The following ARHGAP24 variants were observed in gnomAD, a reference collection of about 807,000 sequenced individuals.
ARHGAP24 encodes Rho GTPase activating protein 24.
Under a neutral mutation model 76.4 loss-of-function variants are expected in ARHGAP24, and 50 were observed. The ratio of observed to expected loss-of-function variants is 0.65; its 90% CI spans 0.52 to 0.83. The LOEUF is 0.83. ARHGAP24 is among the 40% of genes least tolerant of loss of function. The probability of loss-of-function intolerance (pLI) is 0.00; values close to 1 mark genes in which losing one functional copy is unlikely to be tolerated. For synonymous variants in ARHGAP24, 345 were observed against 323.3 expected (o/e 1.07, Z -0.72); for missense variants, 930 against 914.2 (o/e 1.02, Z -0.22).
chr4:85,750,450 T>TAGAG (rs1341098769), intron 3 of ARHGAP24, among the ~76,000 whole-genome samples: 2 of 150,054 alleles, frequency 1.3e-5, no homozygotes, highest in African/African-American at 4.9e-5. Context: ...ACCCTTTTTC[T>TAGAG]AGAGCCCAGG....
At chr4:85,657,027 A>C (rs12648939) in intron 2 of ARHGAP24, among the ~76,000 whole-genome samples, 41,530 of 152,116 alleles carry the variant, frequency 0.27, 7,572 homozygotes, top group East Asian at 0.84. Context: ...TAAATTATAA[A>C]AATGTAACAT....
At chr4:85,487,929 A>G (rs942327803) in intron 1 of ARHGAP24, among the ~76,000 whole-genome samples, 1 of 141,918 alleles carries the variant, frequency 7.0e-6, no homozygotes, top group Admixed American at 7.7e-5. Context: ...ATTTAGAGAC[A>G]GAATCTTGCT....
chr4:85,987,864 A>T (rs1233281901), intron 8 of ARHGAP24, among the ~76,000 whole-genome samples: 1 of 151,980 alleles, frequency 6.6e-6, no homozygotes, highest in Non-Finnish European at 1.5e-5. Context: ...AGGGAGCCAC[A>T]CAAAAGCACA....
chr4:85,906,335 T>A (rs1734768196), intron 3 of ARHGAP24, among the ~76,000 whole-genome samples: 1 of 152,104 alleles, frequency 6.6e-6, no homozygotes, highest in Non-Finnish European at 1.5e-5. Flanking sequence ...TGGTGGAAAC[T>A]GGGTTGAGAA....
intron 3 of ARHGAP24, among the ~76,000 whole-genome samples, chr4:85,896,884 G>A (rs2148786151): frequency 6.6e-6 from 1 of 152,212 alleles, no homozygotes; most frequent in South Asian, 2.1e-4. Context: ...TCCCATAGTA[G>A]AGCACATATT....
intron 2 of ARHGAP24, among the ~76,000 whole-genome samples, chr4:85,635,265 T>C (rs1460658629): frequency 6.8e-6 from 1 of 148,130 alleles, no homozygotes; most frequent in East Asian, 2.0e-4. Flanking sequence ...GTACCTGCCA[T>C]AGTTACCCAC....
At position 86,000,943 on chromosome 4, in the gene ARHGAP24, ATAGAG is replaced by A. The variant is rs1223724708; in HGVS notation, c.*225_*229del. ...AAGTGTTACAACTGGATATGTGTAT[ATAGAG>A]TAGTTTTTCAAAAGTAAACTAAAAA... is the stretch of plus-strand genomic sequence containing the variant. On this transcript the variant is annotated 3_prime_UTR_variant, in exon 10 of 10. Coordinates refer to ENST00000395184, the MANE Select transcript of ARHGAP24 (RefSeq NM_001025616.3). 1.0e-5 allele frequency: 6 copies of A among 599,984 alleles called. No individual in the cohort carries two copies. Among genetic ancestry groups the A allele is most frequent in the African/African-American group, 3.7e-5 (2 of 54,156 alleles). The allele number at this position is 599,984 out of a possible 1,614,324, so 37.2% of individuals were successfully genotyped here.
At chr4:85,765,154 A>G (rs1296427958) in intron 3 of ARHGAP24, among the ~76,000 whole-genome samples, 1 of 152,146 alleles carries the variant, frequency 6.6e-6, no homozygotes, top group Non-Finnish European at 1.5e-5. Context: ...CTTCAGCTGA[A>G]TACACTAGAT....
At chr4:85,809,983 G>A (rs184543919) in intron 3 of ARHGAP24, among the ~76,000 whole-genome samples, 2 of 152,216 alleles carry the variant, frequency 1.3e-5, no homozygotes, top group Admixed American at 6.5e-5. Flanking sequence ...AATTTTTTGA[G>A]ACTCAATTTC....
intron 8 of ARHGAP24, chr4:85,990,449 C>G (rs926214463): frequency 2.0e-5 from 3 of 151,582 alleles, no homozygotes; most frequent in African/African-American, 7.3e-5. Flanking sequence ...ATAAGTTTTA[C>G]AGGGAAATAA....
chr4:85,665,678 C>T (rs1204428136), intron 2 of ARHGAP24, among the ~76,000 whole-genome samples: 3 of 152,258 alleles, frequency 2.0e-5, no homozygotes, highest in Admixed American at 6.5e-5. Context: ...ATGTTTAGTG[C>T]TTCCTTCAGG....
intron 2 of ARHGAP24, among the ~76,000 whole-genome samples, chr4:85,608,715 G>A (rs1341272956): frequency 6.6e-6 from 1 of 151,718 alleles, no homozygotes; most frequent in African/African-American, 2.4e-5. Context: ...GTGCCACCCT[G>A]CCCAGCTAAT....
At chr4:85,635,037 G>T (rs1020302711) in intron 2 of ARHGAP24, among the ~76,000 whole-genome samples, 6 of 151,788 alleles carry the variant, frequency 4.0e-5, no homozygotes, top group African/African-American at 1.4e-4. Flanking sequence ...AATCACCATT[G>T]ACTGTCAGCT....
At chr4:85,626,565 C>G (rs995979922) in intron 2 of ARHGAP24, among the ~76,000 whole-genome samples, 1 of 152,148 alleles carries the variant, frequency 6.6e-6, no homozygotes, top group Non-Finnish European at 1.5e-5. Flanking sequence ...TGGAGTTGCT[C>G]TTCTCGAGGA....
chr4:85,586,236 TGA>T (rs926894909), intron 2 of ARHGAP24, among the ~76,000 whole-genome samples: 5 of 151,968 alleles, frequency 3.3e-5, no homozygotes, highest in Admixed American at 2.6e-4. Flanking sequence ...GGATTTGGGT[TGA>T]AATAGAGTAA....
At chr4:85,866,237 C>T (rs561548778) in intron 3 of ARHGAP24, among the ~76,000 whole-genome samples, 2 of 152,224 alleles carry the variant, frequency 1.3e-5, no homozygotes, top group South Asian at 2.1e-4. Flanking sequence ...CATATTCAAC[C>T]TGTCAGTGAC....
At chr4:85,991,950 A>C (rs1455640146) in intron 8 of ARHGAP24, 1 of 389,146 alleles carries the variant, frequency 2.6e-6, no homozygotes, top group African/African-American at 2.1e-5. Flanking sequence ...GTTTTTTTTA[A>C]AGAAAAATCA....
chr4:85,493,400 A>G (rs1307756373), intron 1 of ARHGAP24, among the ~76,000 whole-genome samples: 1 of 152,230 alleles, frequency 6.6e-6, no homozygotes, highest in African/African-American at 2.4e-5. Context: ...TACCATTATT[A>G]GTTAAAATTC....
At chr4:85,815,907 C>A (rs1233646339) in intron 3 of ARHGAP24, among the ~76,000 whole-genome samples, 5 of 152,126 alleles carry the variant, frequency 3.3e-5, no homozygotes, top group Admixed American at 3.3e-4. Flanking sequence ...GCTGGGGAGG[C>A]CTCACAATCA....
Sources: allele counts gnomAD v4.1 joint callset (sites outside exome capture counted in the v4.1 genomes callset), GRCh38; gene constraint gnomAD v4.1.1; transcripts MANE v1.5; gene names NCBI Gene and HGNC (gene_info 2026-07-23, HGNC 2026-07-21).